The following CD274 variants were observed in gnomAD, a reference collection of about 807,000 sequenced individuals.
The protein encoded by CD274 is programmed cell death 1 ligand 1.
CD274 carries 8 observed loss-of-function variants against 30.1 expected under a neutral mutation model. That is an observed-to-expected ratio of 0.27 (90% confidence interval 0.16 to 0.48). CD274 has a LOEUF of 0.48. Among genes scored for constraint, CD274 ranks in the 20% least tolerant of loss-of-function variants. The probability of loss-of-function intolerance (pLI) is 0.99; values close to 1 mark genes in which losing one functional copy is unlikely to be tolerated. For missense variants in CD274, 353 were observed against 346.6 expected (o/e 1.02, Z -0.15); for synonymous variants, 152 against 124.6 (o/e 1.22, Z -1.46).
intron 1 of CD274, among the ~76,000 whole-genome samples, chr9:5,453,912 T>C (rs1384144324): frequency 6.6e-6 from 1 of 152,190 alleles, no homozygotes; most frequent in Non-Finnish European, 1.5e-5. Context: ...ACCAGCCCAA[T>C]TTTGACAACC....
chr9:5,463,281 C>T (rs554836296), intron 4 of CD274, 160 bp downstream of exon 4: 3 of 627,270 alleles, frequency 4.8e-6, no homozygotes, highest in South Asian at 3.9e-5. Flanking sequence ...CTCCATTCAT[C>T]CAAACCATAT....
At chr9:5,465,466 G>C (rs1245462676) in intron 4 of CD274, 33 bp from the exon 5 acceptor site, 1 of 1,263,822 alleles carries the variant, frequency 7.9e-7, no homozygotes, top group Admixed American at 1.7e-5. Context: ...TTTATCTTTA[G>C]TCAGTTTGTT....
At chr9:5,456,657 T>C (rs950932557) in intron 2 of CD274, among the ~76,000 whole-genome samples, 4 of 152,196 alleles carry the variant, frequency 2.6e-5, no homozygotes, top group African/African-American at 9.6e-5. Flanking sequence ...GCCAGAAAAC[T>C]GATCAAAAGT....
intron 1 of CD274, among the ~76,000 whole-genome samples, chr9:5,453,136 A>T (rs1329145968): frequency 6.6e-6 from 1 of 152,144 alleles, no homozygotes; most frequent in Non-Finnish European, 1.5e-5. Flanking sequence ...CCTGAATGCC[A>T]TCGCTATTCC....
At chr9:5,460,446 G>A (rs1819384538) in intron 3 of CD274, among the ~76,000 whole-genome samples, 1 of 152,134 alleles carries the variant, frequency 6.6e-6, no homozygotes, top group Non-Finnish European at 1.5e-5. Context: ...TGTAAGATGA[G>A]TATTTTTCAC....
intron 3 of CD274, among the ~76,000 whole-genome samples, chr9:5,459,651 C>T (rs554212437): frequency 5.3e-5 from 8 of 152,288 alleles, no homozygotes; most frequent in Non-Finnish European, 1.0e-4. Context: ...ACTATCACTT[C>T]GGGTGTTATT....
At chr9:5,467,627 G>C (rs1819519037) in intron 6 of CD274, among the ~76,000 whole-genome samples, 2 of 152,118 alleles carry the variant, frequency 1.3e-5, no homozygotes, top group African/African-American at 2.4e-5. Flanking sequence ...GGTCATGCTG[G>C]GGGACAAGCC....
intron 6 of CD274, 97 bp from the exon 7 acceptor site, chr9:5,467,743 A>T (rs1340743057): frequency 1.0e-6 from 1 of 955,728 alleles, no homozygotes; most frequent in Non-Finnish European, 1.7e-6. Context: ...ATCATTTATC[A>T]TATCAGCAAC....
chr9:5,454,623 A>G (rs1819267204), intron 1 of CD274, among the ~76,000 whole-genome samples: 1 of 122,090 alleles, frequency 8.2e-6, no homozygotes, highest in African/African-American at 3.4e-5. Context: ...CTTTACATAT[A>G]CAGACATATA....
At chr9:5,454,076 C>T (rs768287243) in intron 1 of CD274, among the ~76,000 whole-genome samples, 45 of 152,106 alleles carry the variant, frequency 3.0e-4, no homozygotes, top group Non-Finnish European at 5.3e-4. Context: ...TATTATTCTA[C>T]GTCAGTTTGG....
At position 5,464,564 on chromosome 9, in the gene CD274, C is replaced by A. The variant is rs924506208; in HGVS notation, c.683-935C>A. On this transcript the variant is annotated intron_variant, in intron 4 of 6. Coordinates refer to ENST00000381577, the MANE Select transcript of CD274 (RefSeq NM_014143.4). ...TGAACATCTGTGTACCATGGGACCC[C>A]CTTTCCTCCTGCATGGTACCCCAGA... is the stretch of plus-strand genomic sequence containing the variant. Among the ~76,000 whole-genome samples, 22 of 152,122 alleles carry A rather than the reference C, an allele frequency of 1.4e-4. No homozygotes were observed. In the East Asian group the frequency reaches 1.5e-3, roughly 11 times the overall value.
intron 1 of CD274, among the ~76,000 whole-genome samples, chr9:5,453,145 C>G (rs570978784): frequency 2.6e-4 from 40 of 152,100 alleles, no homozygotes; most frequent in African/African-American, 9.4e-4. Flanking sequence ...CATCGCTATT[C>G]CACATCTACA....
chr9:5,461,209 G>A (rs77020317), intron 3 of CD274, among the ~76,000 whole-genome samples: 2,389 of 152,082 alleles, frequency 0.016, 63 homozygotes, highest in African/African-American at 0.054. Context: ...CTCATACAGT[G>A]GCCGATAAAA....
rs959530917 is a variant in CD274, at chr9:5,467,903, A to G, written c.*41A>G. ...TCTGATCTTCAAGCAGGGATTCTCA[A>G]CCTGTGGTTTAGGGGTTCATCGGGG... On this transcript the variant is annotated 3_prime_UTR_variant, in exon 7 of 7. Coordinates refer to ENST00000381577, the MANE Select transcript of CD274 (RefSeq NM_014143.4). 1.1e-5 allele frequency: 17 copies of G among 1,581,782 alleles called. No homozygotes were observed. The highest frequency in any genetic ancestry group is 1.5e-5 in the Non-Finnish European group (17 of 1,150,680).
intron 3 of CD274, among the ~76,000 whole-genome samples, chr9:5,461,997 C>A (rs191800617): frequency 6.6e-6 from 1 of 152,122 alleles, no homozygotes; most frequent in Non-Finnish European, 1.5e-5. Context: ...AATGTACTAA[C>A]GTCCTTAGTT....
chr9:5,461,903 A>G (rs1284427068), intron 3 of CD274, among the ~76,000 whole-genome samples: 2 of 152,166 alleles, frequency 1.3e-5, no homozygotes, highest in East Asian at 1.9e-4. Flanking sequence ...ATAATGTGGT[A>G]TCCTAGATAG....
At chr9:5,450,950 C>T (rs1212657809) in intron 1 of CD274, among the ~76,000 whole-genome samples, 2 of 152,200 alleles carry the variant, frequency 1.3e-5, no homozygotes, top group Non-Finnish European at 2.9e-5. Context: ...TCCAAGTCCA[C>T]CGCCAGCTGC....
rs1206260203 is a variant in CD274, at chr9:5,452,440, T to TG, written c.-15+1845dup. On this transcript the variant is annotated intron_variant, in intron 1 of 6. Coordinates refer to ENST00000381577, the MANE Select transcript of CD274 (RefSeq NM_014143.4). ...GACAAACCCACTTCCCCAACCTGAATGAGCCATCACTTCTTCCCCAGTTTA... is the reference window on the plus strand; with the variant it reads ...GACAAACCCACTTCCCCAACCTGAATGGAGCCATCACTTCTTCCCCAGTTTA... 1.1e-4 allele frequency among the ~76,000 whole-genome samples: 17 copies of TG among 152,366 alleles called. 1 individual carries two copies. The highest frequency in any genetic ancestry group is 3.8e-4 in the African/African-American group (16 of 41,590).
chr9:5,462,102 G>A (rs994468786), intron 3 of CD274, among the ~76,000 whole-genome samples: 2 of 152,080 alleles, frequency 1.3e-5, no homozygotes, highest in Non-Finnish European at 1.5e-5. Context: ...CAACTTTTTT[G>A]TAAATTTAAA....
Sources: allele counts gnomAD v4.1 joint callset (sites outside exome capture counted in the v4.1 genomes callset), GRCh38; gene constraint gnomAD v4.1.1; transcripts MANE v1.5; gene names NCBI Gene and HGNC (gene_info 2026-07-23, HGNC 2026-07-21).